Variants in MKX observed in about 807,000 individuals in gnomAD.
MKX encodes the protein homeobox protein Mohawk.
MKX carries 13 observed loss-of-function variants against 36.0 expected under a neutral mutation model. The observed-to-expected ratio is 0.36, with a 90% CI of 0.24 to 0.57. The LOEUF (loss-of-function observed/expected upper bound fraction) is 0.57, where lower values mean the gene tolerates loss of function less well. Among genes scored for constraint, MKX ranks in the 20% least tolerant of loss-of-function variants. MKX has a pLI of 0.79. For missense variants in MKX, 458 were observed against 456.4 expected, an observed-to-expected ratio of 1.00 and a Z score of -0.03; for synonymous variants, 176 against 178.3, an observed-to-expected ratio of 0.99 and a Z score of 0.10.
At chr10:27,733,080 A>C (rs946536199) in intron 5 of MKX, among the ~76,000 whole-genome samples, 1 of 151,846 alleles carries the variant, frequency 6.6e-6, no homozygotes, top group Non-Finnish European at 1.5e-5. Flanking sequence ...ATTTTCTTTT[A>C]TTTTTTCTTC....
intron 5 of MKX, among the ~76,000 whole-genome samples, chr10:27,695,699 T>C (rs1259727774): frequency 2.0e-5 from 3 of 152,068 alleles, no homozygotes; most frequent in Non-Finnish European, 4.4e-5. Context: ...AGATAAGGGA[T>C]GAGGAAGGGC....
At chr10:27,732,984 A>G (rs1834666431) in intron 5 of MKX, among the ~76,000 whole-genome samples, 1 of 152,152 alleles carries the variant, frequency 6.6e-6, no homozygotes, top group Admixed American at 6.5e-5. Context: ...TCCTGGGTTC[A>G]AGGAATCCTC....
At chr10:27,676,996 G>T (rs1229551998) in intron 5 of MKX, among the ~76,000 whole-genome samples, 1 of 152,136 alleles carries the variant, frequency 6.6e-6, no homozygotes, top group Non-Finnish European at 1.5e-5. Context: ...TAGGCTAAAA[G>T]AATCTGGTAT....
At chr10:27,733,812 A>G (rs534983063) in intron 5 of MKX, among the ~76,000 whole-genome samples, 1 of 152,318 alleles carries the variant, frequency 6.6e-6, no homozygotes, top group South Asian at 2.1e-4. Flanking sequence ...GACAGGTAGG[A>G]ATCGATCCTT....
chr10:27,687,054 G>T (rs1013010296), intron 5 of MKX, among the ~76,000 whole-genome samples: 1 of 151,398 alleles, frequency 6.6e-6, no homozygotes, highest in African/African-American at 2.4e-5. Flanking sequence ...GTTCAGGCTG[G>T]AGTGCAGTGT....
rs1834991799 is a variant in MKX at position 27,744,157 on chromosome 10, G to T, written c.-82-660C>A. On this transcript the variant is annotated intron_variant, in intron 1 of 6. Coordinates refer to ENST00000419761, the MANE Select transcript of MKX (RefSeq NM_173576.3). This position sits in a 1 kb window ranked among gnomAD's most constrained non-coding sequence, Gnocchi z 5.6. The stretch of plus-strand genomic sequence containing the variant: ...AAAGTTAAGTGGCGTCAGGACGAAA[G>T]CACCACTTCTCCCCCTTCTCTCCCA... 6.6e-6 allele frequency among the ~76,000 whole-genome samples: 1 copy of T among 152,044 alleles called. No homozygotes were observed. Among genetic ancestry groups the T allele is most frequent in the African/African-American group, 2.4e-5 (1 of 41,396 alleles).
At chr10:27,709,729 T>C (rs1158511290) in intron 5 of MKX, among the ~76,000 whole-genome samples, 1 of 152,140 alleles carries the variant, frequency 6.6e-6, no homozygotes, top group Admixed American at 6.6e-5. Context: ...TTCTTTAATA[T>C]GAGTTATAAT....
At chr10:27,711,939 T>A (rs1394008360) in intron 5 of MKX, among the ~76,000 whole-genome samples, 2 of 152,236 alleles carry the variant, frequency 1.3e-5, no homozygotes, top group African/African-American at 4.8e-5. Flanking sequence ...GGTAGACTGA[T>A]AAGCATGAAC....
chr10:27,742,533 C>A lies in MKX; in HGVS notation c.188+695G>T, dbSNP rs919140768. Among the ~76,000 whole-genome samples the A allele has an allele frequency of 6.6e-6, 1 of 152,034 alleles. No homozygotes were observed. The highest frequency in any genetic ancestry group is 2.4e-5 in the African/African-American group (1 of 41,408). ...ACGGCCGCCCCTCCCCGGCGGGGCG[C>A]CCGGGGAGCCGCCGGATCGGGCCAG... On this transcript the variant is annotated intron_variant, in intron 2 of 6. Coordinates refer to ENST00000419761, the MANE Select transcript of MKX (RefSeq NM_173576.3). This position sits in a 1 kb window ranked among gnomAD's most constrained non-coding sequence, Gnocchi z 4.2.
intron 5 of MKX, among the ~76,000 whole-genome samples, chr10:27,724,297 T>C (rs1564361960): frequency 1.3e-5 from 2 of 152,182 alleles, no homozygotes; most frequent in Admixed American, 6.5e-5. Flanking sequence ...GTGGCAGTTT[T>C]TACCCCTATC....
intron 5 of MKX, among the ~76,000 whole-genome samples, chr10:27,694,527 A>ATATATATAT (rs1554770421): frequency 1.7e-4 from 19 of 114,330 alleles, no homozygotes; most frequent in African/African-American, 3.3e-4. Flanking sequence ...AAAAAAAAAA[A>ATATATATAT]ATATATATAT....
At chr10:27,698,591 AG>A (rs1273156101) in intron 5 of MKX, among the ~76,000 whole-genome samples, 3 of 152,112 alleles carry the variant, frequency 2.0e-5, no homozygotes, top group Admixed American at 6.5e-5. Flanking sequence ...TGTCTGAGGA[AG>A]GGGGGCAAGG....
In MKX at chr10:27,735,680, A is replaced by G. The variant is rs60524104; in HGVS notation, c.349-306T>C. ...ATACAAATAACTAGTATAAGAAAGAATGTGATGAATGGCATACAAGACATT... is the reference window on the plus strand; with the variant it reads ...ATACAAATAACTAGTATAAGAAAGAGTGTGATGAATGGCATACAAGACATT... On this transcript the variant is annotated intron_variant, in intron 3 of 6. Transcript: ENST00000419761. Among the ~76,000 whole-genome samples the G allele has an allele frequency of 4.6e-3, 702 of 152,334 alleles. 19 individuals are homozygous for G. In the East Asian group the frequency reaches 0.066, roughly 14 times the overall value.
At chr10:27,708,711 G>C in intron 5 of MKX, among the ~76,000 whole-genome samples, 1 of 142,398 alleles carries the variant, frequency 7.0e-6, no homozygotes, top group Middle Eastern at 3.8e-3. Flanking sequence ...CTGGGTGACA[G>C]AGCGAGACTT....
intron 5 of MKX, among the ~76,000 whole-genome samples, chr10:27,725,906 A>G (rs1834478402): frequency 6.6e-6 from 1 of 152,146 alleles, no homozygotes; most frequent in South Asian, 2.1e-4. Flanking sequence ...GAAGAAAGAA[A>G]AGGACCCCTT....
At chr10:27,700,879 C>T (rs999118870) in intron 5 of MKX, among the ~76,000 whole-genome samples, 2 of 152,160 alleles carry the variant, frequency 1.3e-5, no homozygotes, top group Non-Finnish European at 2.9e-5. Flanking sequence ...ATGTTTTCCC[C>T]TACCAAAATT....
chr10:27,722,140 C>T (rs1007098193), intron 5 of MKX, among the ~76,000 whole-genome samples: 1 of 152,100 alleles, frequency 6.6e-6, no homozygotes, highest in African/African-American at 2.4e-5. Flanking sequence ...GGAGAGATCT[C>T]CTAAAAATGA....
chr10:27,715,568 A>G (rs766911868), intron 5 of MKX, among the ~76,000 whole-genome samples: 6 of 152,190 alleles, frequency 3.9e-5, no homozygotes, highest in Non-Finnish European at 8.8e-5. Flanking sequence ...AGATTTAGAA[A>G]TTCTGCCTTC....
At chr10:27,711,432 TTTC>T (rs1836852191) in intron 5 of MKX, among the ~76,000 whole-genome samples, 1 of 69,868 alleles carries the variant, frequency 1.4e-5, no homozygotes, top group Admixed American at 1.4e-4. Context: ...TTCTTTTCTC[TTTC>T]TTTCTTTCTT....
Sources: allele counts gnomAD v4.1 joint callset (sites outside exome capture counted in the v4.1 genomes callset), GRCh38; gene constraint gnomAD v4.1.1; non-coding constraint Gnocchi (gnomAD v3.1); transcripts MANE v1.5; gene names NCBI Gene and HGNC (gene_info 2026-07-23, HGNC 2026-07-21).